The following MS4A13 variants were observed in gnomAD, a reference collection of about 807,000 sequenced individuals.
MS4A13 encodes membrane spanning 4-domains A13.
Under a neutral mutation model 18.4 loss-of-function variants are expected in MS4A13, and 21 were observed. The ratio of observed to expected loss-of-function variants is 1.14; its 90% CI spans 0.81 to 1.64. The LOEUF (loss-of-function observed/expected upper bound fraction) is 1.64, where lower values mean the gene tolerates loss of function less well. Among genes scored for constraint, MS4A13 ranks in the 40% most tolerant of loss-of-function variants. The pLI, the probability that MS4A13 is intolerant of heterozygous loss-of-function variation, is 0.00. For missense variants in MS4A13, 173 were observed against 176.8 expected (o/e 0.98, Z 0.12); for synonymous variants, 62 against 57.2 (o/e 1.08, Z -0.38).
At chr11:60,532,218 C>T (rs554224767) in intron 6 of MS4A13, among the ~76,000 whole-genome samples, 17 of 152,312 alleles carry the variant, frequency 1.1e-4, no homozygotes, top group African/African-American at 2.2e-4. Flanking sequence ...CCAGCATGAG[C>T]GACGCAGAAG....
rs137980954 is a variant in MS4A13, at chr11:60,531,331, T to C, written c.402+1871T>C. Among the ~76,000 whole-genome samples, 22 of 152,266 alleles carry C rather than the reference T, an allele frequency of 1.4e-4. 1 individual carries two copies. In the East Asian group the frequency reaches 4.3e-3, roughly 29 times the overall value. Reference sequence around the variant, plus strand: ...CCAACCAGAAACTCAACAGAGAAATTTGAAGAACAGGACAGCCACAGTGGA... The same window carrying C: ...CCAACCAGAAACTCAACAGAGAAATCTGAAGAACAGGACAGCCACAGTGGA... On this transcript the variant is annotated intron_variant, in intron 6 of 6. Coordinates refer to ENST00000378186, the MANE Select transcript of MS4A13 (RefSeq NM_001012417.3).
chr11:60,527,501 C>T (rs550582991), intron 5 of MS4A13, among the ~76,000 whole-genome samples: 1 of 151,028 alleles, frequency 6.6e-6, no homozygotes, highest in East Asian at 2.0e-4. Context: ...TTGCCGCTTT[C>T]AGTCAGGGAG....
At chr11:60,522,899 A>C (rs941462969) in intron 3 of MS4A13, among the ~76,000 whole-genome samples, 1 of 152,340 alleles carries the variant, frequency 6.6e-6, no homozygotes, top group Admixed American at 6.5e-5. Flanking sequence ...ATAGTATATT[A>C]AACTCCTAGG....
chr11:60,543,104 T>A (rs534444410), downstream of MS4A13, among the ~76,000 whole-genome samples: 7 of 152,306 alleles, frequency 4.6e-5, no homozygotes, highest in African/African-American at 1.4e-4. Flanking sequence ...GCCCTGAACA[T>A]ATCTGCTATC....
At chr11:60,539,705 A>AAT (rs2086841044) in intron 6 of MS4A13, among the ~76,000 whole-genome samples, 2 of 152,072 alleles carry the variant, frequency 1.3e-5, no homozygotes, top group South Asian at 2.1e-4. Context: ...AAGCAGCAAA[A>AAT]AAAAATAAAA....
intron 5 of MS4A13, 109 bp downstream of exon 5, chr11:60,525,435 T>C: frequency 1.5e-6 from 1 of 678,634 alleles, no homozygotes; most frequent in Non-Finnish European, 2.3e-6. Context: ...ATGAAATTCT[T>C]TGATTTAGTT....
intron 6 of MS4A13, among the ~76,000 whole-genome samples, chr11:60,542,228 G>A (rs12362346): frequency 7.0e-6 from 1 of 143,674 alleles, no homozygotes; most frequent in East Asian, 2.1e-4. Flanking sequence ...AGAAAGAAAG[G>A]AAGGAAGGAA....
At chr11:60,541,293 C>T (rs139945339) in intron 6 of MS4A13, among the ~76,000 whole-genome samples, 35 of 152,238 alleles carry the variant, frequency 2.3e-4, no homozygotes, top group African/African-American at 6.7e-4. Context: ...GAAATGTTTG[C>T]GCTTATGCAT....
chr11:60,524,375 G>A (rs907561021), intron 4 of MS4A13, among the ~76,000 whole-genome samples: 2 of 152,118 alleles, frequency 1.3e-5, no homozygotes, highest in Non-Finnish European at 2.9e-5. Context: ...TCCATGCATG[G>A]TATAGGTGGA....
intron 2 of MS4A13, among the ~76,000 whole-genome samples, chr11:60,517,185 A>T (rs940972859): frequency 1.1e-5 from 1 of 94,114 alleles, no homozygotes; most frequent in Middle Eastern, 5.3e-3. Flanking sequence ...ACTTTTTCTT[A>T]AAAAAAAAAC....
intron 6 of MS4A13, among the ~76,000 whole-genome samples, chr11:60,540,607 G>A (rs576558166): frequency 6.6e-6 from 1 of 152,138 alleles, no homozygotes; most frequent in East Asian, 1.9e-4. Context: ...TTAAAAACAA[G>A]GGAATTAACA....
At chr11:60,517,244 TATTTC>T (rs1376463238) in intron 2 of MS4A13, among the ~76,000 whole-genome samples, 2 of 152,188 alleles carry the variant, frequency 1.3e-5, no homozygotes, top group African/African-American at 4.8e-5. Flanking sequence ...TGCACTTATA[TATTTC>T]ATAGACTGCC....
Position 60,533,424 on chromosome 11 carries a change from A to G in MS4A13, c.402+3964A>G, listed in dbSNP as rs1387088564. Among the ~76,000 whole-genome samples, 285 of 108,436 alleles carry G rather than the reference A, an allele frequency of 2.6e-3. 5 individuals carry two copies. Among genetic ancestry groups the G allele is most frequent in the African/African-American group, 5.8e-3 (163 of 28,188 alleles). The allele number at this position is 108,436 out of a possible 152,430, so 71.1% of individuals were successfully genotyped here. On this transcript the variant is annotated intron_variant, in intron 6 of 6. Coordinates refer to ENST00000378186, the MANE Select transcript of MS4A13 (RefSeq NM_001012417.3). The stretch of plus-strand genomic sequence containing the variant: ...ATCAACTGGAAGAAAGGGTATCAGC[A>G]ATGGAAGATGAAATGAATGAAATGA...
chr11:60,524,580 T>C (rs980521200), intron 4 of MS4A13, among the ~76,000 whole-genome samples: 8 of 152,192 alleles, frequency 5.3e-5, no homozygotes, highest in Non-Finnish European at 8.8e-5. Context: ...TTTTTTTTTT[T>C]TCTTACAGTG....
chr11:60,540,938 G>A (rs2086852170), intron 6 of MS4A13, among the ~76,000 whole-genome samples: 1 of 133,630 alleles, frequency 7.5e-6, no homozygotes, highest in Non-Finnish European at 1.6e-5. Flanking sequence ...GTGGGTGACA[G>A]AGTAAAACCC....
At chr11:60,515,649 C>T (rs986183894) in intron 1 of MS4A13, 42 bp downstream of exon 1, 2 of 152,164 alleles carry the variant, frequency 1.3e-5, no homozygotes, top group African/African-American at 4.8e-5. Flanking sequence ...TGTCAGAAGC[C>T]ATAAAGGGAC....
intron 5 of MS4A13, among the ~76,000 whole-genome samples, chr11:60,528,148 T>C (rs2086734414): frequency 6.6e-6 from 1 of 150,664 alleles, no homozygotes; most frequent in Admixed American, 6.7e-5. Context: ...CCATAGGTTG[T>C]TCAAATATGT....
intron 6 of MS4A13, among the ~76,000 whole-genome samples, chr11:60,538,586 A>T (rs540348150): frequency 0.031 from 1,225 of 40,144 alleles, 21 homozygotes; most frequent in African/African-American, 0.078. Context: ...AAATAAAAAT[A>T]AAAAAAAAAA....
At chr11:60,526,437 G>A (rs1304636040) in intron 5 of MS4A13, among the ~76,000 whole-genome samples, 1 of 152,094 alleles carries the variant, frequency 6.6e-6, no homozygotes, top group African/African-American at 2.4e-5. Context: ...GTTTAATATG[G>A]CATAATTGCC....
Sources: gnomAD v4.1 joint callset for allele counts (sites outside exome capture counted in the v4.1 genomes callset) on GRCh38, gnomAD v4.1.1 for gene constraint, MANE v1.5 for transcripts, NCBI Gene and HGNC (gene_info 2026-07-23, HGNC 2026-07-21) for gene names.